Variants in AMBRA1 observed in about 807,000 individuals in gnomAD.
AMBRA1 encodes activating molecule in BECN1-regulated autophagy protein 1.
Under a neutral mutation model 125.4 loss-of-function variants are expected in AMBRA1, and 47 were observed. That is an observed-to-expected ratio of 0.37 (90% CI 0.30 to 0.48). The LOEUF is 0.48. AMBRA1 is among the 20% of genes least tolerant of loss of function. AMBRA1 has a pLI of 0.99. For synonymous variants in AMBRA1, 626 were observed against 655.5 expected, an observed-to-expected ratio of 0.95 and a Z score of 0.69; for missense variants, 1,331 against 1,693.4, an observed-to-expected ratio of 0.79 and a Z score of 3.76.
intron 14 of AMBRA1, among the ~76,000 whole-genome samples, chr11:46,420,868 A>G (rs1022065683): frequency 6.6e-6 from 1 of 152,190 alleles, no homozygotes; most frequent in African/African-American, 2.4e-5. Flanking sequence ...GGGCCAGAGA[A>G]AGTAGCCTTA....
chr11:46,479,838 T>C (rs573525629), intron 11 of AMBRA1, among the ~76,000 whole-genome samples: 1 of 152,264 alleles, frequency 6.6e-6, no homozygotes, highest in Admixed American at 6.5e-5. Context: ...CAGTTTTCTA[T>C]AACTGCCATA....
At chr11:46,483,094 A>C (rs1424856329) in intron 11 of AMBRA1, among the ~76,000 whole-genome samples, 1 of 152,022 alleles carries the variant, frequency 6.6e-6, no homozygotes, top group Non-Finnish European at 1.5e-5. Context: ...ACAGCTCAAG[A>C]CAGTAGAAGT....
intron 11 of AMBRA1, chr11:46,451,858 A>G (rs1396368683): frequency 1.4e-5 from 2 of 141,140 alleles, no homozygotes; most frequent in Non-Finnish European, 3.1e-5. Flanking sequence ...GAGCTGGAGG[A>G]GAGCTGAGAC....
chr11:46,446,806 A>G (rs1948306345), intron 11 of AMBRA1, among the ~76,000 whole-genome samples: 1 of 152,236 alleles, frequency 6.6e-6, no homozygotes, highest in African/African-American at 2.4e-5. Flanking sequence ...TGCTCTTAGC[A>G]CCACTACTAG....
At chr11:46,458,624 T>C (rs1448080924) in intron 11 of AMBRA1, among the ~76,000 whole-genome samples, 1 of 152,194 alleles carries the variant, frequency 6.6e-6, no homozygotes, top group East Asian at 1.9e-4. Flanking sequence ...AGAGACAAGA[T>C]CTTGCTCTGT....
In AMBRA1 at chr11:46,593,881, G is replaced by A; in HGVS notation, c.-174C>T. 2 of 398,180 alleles carry A rather than the reference G, an allele frequency of 5.0e-6. No individual in the cohort carries two copies. Among genetic ancestry groups the A allele is most frequent in the Admixed American group, 4.4e-5 (1 of 22,740 alleles). 24.7% of individuals were successfully genotyped at this position (398,180 alleles called of 1,614,324 possible). A position where few individuals can be genotyped will look rare whatever the true frequency, so the allele number is the denominator to read the frequency against. ...AGTCCAGCGAACGGGCTGAGCCACA[G>A]GGAAAAAGAAAGAGGAGACAGGAAT... On this transcript the variant is annotated 5_prime_UTR_variant, in exon 1 of 18. Coordinates refer to ENST00000683756, the MANE Select transcript of AMBRA1 (RefSeq NM_001387011.1).
intron 11 of AMBRA1, among the ~76,000 whole-genome samples, chr11:46,448,832 T>C (rs1238116648): frequency 6.6e-6 from 1 of 152,026 alleles, no homozygotes; most frequent in Non-Finnish European, 1.5e-5. Flanking sequence ...GCCTACAAAT[T>C]TGAAAACCTA....
chr11:46,430,228 A>G (rs1202237191), intron 14 of AMBRA1, among the ~76,000 whole-genome samples: 1 of 152,206 alleles, frequency 6.6e-6, no homozygotes, highest in Non-Finnish European at 1.5e-5. Flanking sequence ...AGGCGCAGAC[A>G]GCCAAAAAAG....
rs183284319 is a variant in AMBRA1 at position 46,505,710 on chromosome 11, G to A, written c.2339+2481C>T. 2.0e-5 allele frequency among the ~76,000 whole-genome samples: 3 copies of A among 151,736 alleles called. No individual in the cohort carries two copies. In the East Asian group the frequency reaches 5.8e-4, roughly 29 times the overall value. Reference sequence around the variant, plus strand: ...AGAGCGCACAGGTGGGCTGGGGGGAGCATAAGGAGGAGGCAGTCTGACACA... The same window carrying A: ...AGAGCGCACAGGTGGGCTGGGGGGAACATAAGGAGGAGGCAGTCTGACACA... On this transcript the variant is annotated intron_variant, in intron 9 of 17. Coordinates refer to ENST00000683756, the MANE Select transcript of AMBRA1 (RefSeq NM_001387011.1).
intron 14 of AMBRA1, among the ~76,000 whole-genome samples, chr11:46,420,271 TATTAAAAAA>T (rs1946789165): frequency 6.6e-6 from 1 of 152,168 alleles, no homozygotes; most frequent in African/African-American, 2.4e-5. Context: ...CTGAGGAGAC[TATTAAAAAA>T]GAAACCGATG....
chr11:46,528,955 C>T (rs1458003333), intron 7 of AMBRA1, among the ~76,000 whole-genome samples: 1 of 152,166 alleles, frequency 6.6e-6, no homozygotes, highest in Non-Finnish European at 1.5e-5. Context: ...CACACGTACC[C>T]TCTGATGCAG....
At chr11:46,483,417 C>T (rs1204311800) in intron 11 of AMBRA1, among the ~76,000 whole-genome samples, 1 of 152,138 alleles carries the variant, frequency 6.6e-6, no homozygotes, top group African/African-American at 2.4e-5. Context: ...AAGAGCTGGC[C>T]TTTGTTGATC....
intron 15 of AMBRA1, among the ~76,000 whole-genome samples, chr11:46,412,326 C>T (rs1197147702): frequency 6.6e-6 from 1 of 152,194 alleles, no homozygotes; most frequent in East Asian, 1.9e-4. Flanking sequence ...CTCTGTTGCC[C>T]AGTCTGAAGT....
intron 11 of AMBRA1, among the ~76,000 whole-genome samples, chr11:46,450,865 C>CA (rs1948555843): frequency 6.6e-6 from 1 of 152,230 alleles, no homozygotes; most frequent in African/African-American, 2.4e-5. Flanking sequence ...AATGTAAACG[C>CA]ATACTTTGAG....
At chr11:46,494,351 C>G (rs1305276280) in intron 9 of AMBRA1, 147 bp from the exon 10 acceptor site, 1 of 604,504 alleles carries the variant, frequency 1.7e-6, no homozygotes, top group Admixed American at 2.7e-5. Context: ...ACTAATTAGG[C>G]AGCACATTAA....
chr11:46,469,152 A>G (rs890664574), intron 11 of AMBRA1, among the ~76,000 whole-genome samples: 3 of 152,228 alleles, frequency 2.0e-5, no homozygotes, highest in African/African-American at 4.8e-5. Flanking sequence ...TCAAAAAAAG[A>G]AAAAGAAGAT....
At chr11:46,476,063 G>A (rs1949800628) in intron 11 of AMBRA1, among the ~76,000 whole-genome samples, 1 of 152,128 alleles carries the variant, frequency 6.6e-6, no homozygotes, top group African/African-American at 2.4e-5. Context: ...GTGGAGAGCT[G>A]CACTCAGTGC....
At chr11:46,504,681 A>G (rs1242842149) in intron 9 of AMBRA1, 1 of 152,204 alleles carries the variant, frequency 6.6e-6, no homozygotes, top group Non-Finnish European at 1.5e-5. Context: ...TAGATCACAA[A>G]AGAACAGAAA....
chr11:46,460,379 T>C (rs938333516), intron 11 of AMBRA1, among the ~76,000 whole-genome samples: 1 of 151,840 alleles, frequency 6.6e-6, no homozygotes, highest in Non-Finnish European at 1.5e-5. Context: ...TGGAGCACAG[T>C]GGCGCAATCT....
Sources: allele counts gnomAD v4.1 joint callset (sites outside exome capture counted in the v4.1 genomes callset), GRCh38; gene constraint gnomAD v4.1.1; transcripts MANE v1.5; gene names NCBI Gene and HGNC (gene_info 2026-07-23, HGNC 2026-07-21).